Variants in ADAM10 observed in about 807,000 individuals in gnomAD.
The protein encoded by ADAM10 is ADAM metallopeptidase domain 10, also known as disintegrin and metalloproteinase domain-containing protein 10.
Under a neutral mutation model 90.1 loss-of-function variants are expected in ADAM10, and 17 were observed. The ratio of observed to expected loss-of-function variants is 0.19; its 90% CI spans 0.13 to 0.28. The LOEUF (loss-of-function observed/expected upper bound fraction) is 0.28. Ranked by LOEUF, ADAM10 falls within the 10% of genes least tolerant of loss-of-function variation. The pLI, the probability that ADAM10 is intolerant of heterozygous loss-of-function variation, is 1.00. For missense variants in ADAM10, 610 were observed against 914.3 expected, an observed-to-expected ratio of 0.67 and a Z score of 4.29; for synonymous variants, 310 against 298.6, an observed-to-expected ratio of 1.04 and a Z score of -0.40.
rs1894768917 is a variant in ADAM10, at chr15:58,588,911, AT to A, written c.*8635del. Reference sequence around the variant, plus strand: ...CCCAAAGCTAAGTTATGCCTTTCCCATTTTTGCAAAACATGGTCGGTATGTT... The same window carrying A: ...CCCAAAGCTAAGTTATGCCTTTCCCATTTTGCAAAACATGGTCGGTATGTT... On this transcript the variant is annotated 3_prime_UTR_variant, in exon 16 of 16. Coordinates refer to ENST00000260408, the MANE Select transcript of ADAM10 (RefSeq NM_001110.4). 1 of 152,130 alleles carries A rather than the reference AT, an allele frequency of 6.6e-6. No individual in the cohort carries two copies. The highest frequency in any genetic ancestry group is 6.5e-5 in the Admixed American group (1 of 15,272). The allele number at this position is 152,130 out of a possible 1,614,324, so 9.4% of individuals were successfully genotyped here. A position where few individuals can be genotyped will look rare whatever the true frequency, so the allele number is the denominator to read the frequency against.
Position 58,685,401 on chromosome 15 carries a change from T to G in ADAM10, c.207-3087A>C, listed in dbSNP as rs191516142. On this transcript the variant is annotated intron_variant, in intron 2 of 15. Transcript: ENST00000260408. Reference sequence around the variant, plus strand: ...GCGTGAACCCGGGGGAGGCAGAGCTTGCAGTGAGCCGAGATCACGCCACTG... The same window carrying G: ...GCGTGAACCCGGGGGAGGCAGAGCTGGCAGTGAGCCGAGATCACGCCACTG... Among the ~76,000 whole-genome samples the G allele has an allele frequency of 1.9e-4, 29 of 151,082 alleles. No individual in the cohort carries two copies. In the East Asian group the frequency reaches 5.4e-3, roughly 28 times the overall value.
rs1258868428 is a variant in ADAM10, at chr15:58,749,531, C to G, written c.4G>C (p.Val2Leu). Residue 2 changes from valine (V) to leucine (L), a missense_variant, in exon 1 of 16, where the codon GTG becomes CTG. Val to Leu is a conservative substitution (Grantham distance 32, BLOSUM62 1). Coordinates refer to ENST00000260408, the MANE Select transcript of ADAM10 (RefSeq NM_001110.4). ...AGCAGAATTAACACTCTCAGCAACA[C>G]CATCTTCCGCTGCCGCTGCCGCCGC... MVLLRVLILLLS... is the reference protein window; with the variant it reads MLLLRVLILLLS... 1 of 1,552,756 alleles carries G rather than the reference C, an allele frequency of 6.4e-7. No homozygotes were observed. The highest frequency in any genetic ancestry group is 2.5e-5 in the East Asian group (1 of 40,810).
intron 1 of ADAM10, among the ~76,000 whole-genome samples, chr15:58,742,590 G>T (rs1899650734): frequency 6.6e-6 from 1 of 152,196 alleles, no homozygotes; most frequent in Admixed American, 6.5e-5. Flanking sequence ...CAAACTAGCT[G>T]GGTCAGGCTA....
At chr15:58,636,267 A>G (rs1896248575) in intron 8 of ADAM10, among the ~76,000 whole-genome samples, 1 of 150,280 alleles carries the variant, frequency 6.7e-6, no homozygotes, top group Non-Finnish European at 1.5e-5. Context: ...ACAGAGCGAG[A>G]CTTCGTTTCA....
At chr15:58,643,844 T>C (rs1276704651) in intron 7 of ADAM10, 42 bp downstream of exon 7, 4 of 1,376,382 alleles carry the variant, frequency 2.9e-6, no homozygotes, top group Middle Eastern at 3.6e-4. Context: ...TAGTCTGGAC[T>C]GTTTCACTTT....
Position 58,633,240 on chromosome 15 carries a change from G to C in ADAM10, c.1132C>G (p.His378Asp), listed in dbSNP as rs1206317034. The C allele has an allele frequency of 6.2e-7, 1 of 1,613,412 alleles. No individual in the cohort carries two copies. The highest frequency in any genetic ancestry group is 1.3e-5 in the African/African-American group (1 of 74,894). ...CCAACTTCGTGAGCAAAAGTAATGT[G>C]AGAGACTTTGGGAGGTACATGAGAC... Reference protein sequence around the residue: ...YGSHVPPKVSHITFAHEVGHN... With the variant: ...YGSHVPPKVSDITFAHEVGHN... The change falls in exon 9 of 16, where the codon CAC becomes GAC. Residue 378 changes from histidine to aspartate, a missense_variant. Around this residue, in one of 4 missense-constraint regions of ADAM10, gnomAD observed 97 missense variants for 221.4 expected, o/e 0.44. Transcript: ENST00000260408.
chr15:58,647,135 C>A (rs1344641191), intron 5 of ADAM10, among the ~76,000 whole-genome samples: 1 of 151,944 alleles, frequency 6.6e-6, no homozygotes, highest in Non-Finnish European at 1.5e-5. Context: ...CTGTCCACAT[C>A]CCACTTCACC....
At chr15:58,643,752 GCAT>G (rs1252860946) in intron 7 of ADAM10, 131 bp downstream of exon 7, 9 of 723,094 alleles carry the variant, frequency 1.2e-5, no homozygotes, top group East Asian at 2.7e-5. Context: ...GTAAAAAACT[GCAT>G]CAACAGATAC....
rs1468994224 is a variant in ADAM10, at chr15:58,686,619, G to C, written c.207-4305C>G. ...CCCAGATCCTGTGCTTTACTCTGAA[G>C]ACTCTAAGAGAGAAGTTTGCTGAGG... On this transcript the variant is annotated intron_variant, in intron 2 of 15. Transcript: ENST00000260408. 3 of 888,096 alleles carry C rather than the reference G, an allele frequency of 3.4e-6. No individual in the cohort carries two copies. In the East Asian group the frequency reaches 7.3e-5, roughly 22 times the overall value. 55.0% of individuals were successfully genotyped at this position (888,096 alleles called of 1,614,324 possible). A position where few individuals can be genotyped will look rare whatever the true frequency, so the allele number is the denominator to read the frequency against.
Position 58,597,496 on chromosome 15 carries a change from G to A in ADAM10, c.*51C>T, listed in dbSNP as rs757422892. The A allele has an allele frequency of 6.2e-7, 1 of 1,613,788 alleles. No homozygotes were observed. The highest frequency in any genetic ancestry group is 8.5e-7 in the Non-Finnish European group (1 of 1,179,892). On this transcript the variant is annotated 3_prime_UTR_variant, in exon 16 of 16. Transcript: ENST00000260408. ...ATGACTTAATAGGTTTCTCTTTGGA[G>A]TGAAGTTTTCCCATTGTAGGCACTA...
intron 2 of ADAM10, chr15:58,691,240 T>C: frequency 1.1e-6 from 1 of 942,258 alleles, no homozygotes; most frequent in East Asian, 2.5e-5. Context: ...CTCTCCTCCA[T>C]TATCTTCTTC....
chr15:58,720,364 T>A (rs1472073495), intron 1 of ADAM10, among the ~76,000 whole-genome samples: 1 of 150,276 alleles, frequency 6.7e-6, no homozygotes, highest in African/African-American at 2.5e-5. Flanking sequence ...CCCACTAGCA[T>A]GAAACTTTTA....
At chr15:58,696,591 G>T (rs1173731665) in intron 2 of ADAM10, among the ~76,000 whole-genome samples, 1 of 151,344 alleles carries the variant, frequency 6.6e-6, no homozygotes, top group Non-Finnish European at 1.5e-5. Flanking sequence ...TCAGCCTCCT[G>T]AGCAGCTGGG....
intron 2 of ADAM10, among the ~76,000 whole-genome samples, chr15:58,709,111 A>T (rs922155864): frequency 5.3e-5 from 8 of 152,246 alleles, no homozygotes; most frequent in African/African-American, 1.9e-4. Flanking sequence ...CAACACAGTT[A>T]CTATAAAAGA....
At chr15:58,598,802 T>A (rs1375876093) in intron 15 of ADAM10, among the ~76,000 whole-genome samples, 1 of 152,220 alleles carries the variant, frequency 6.6e-6, no homozygotes. Flanking sequence ...CCACAGCTCA[T>A]CTAAAGAGGG....
chr15:58,603,717 G>C (rs1200755283), intron 14 of ADAM10, among the ~76,000 whole-genome samples: 2 of 151,796 alleles, frequency 1.3e-5, no homozygotes, highest in Admixed American at 6.6e-5. Context: ...CTATGTAGGA[G>C]AGAGGAAAAA....
chr15:58,682,868 C>A lies in ADAM10; in HGVS notation c.207-554G>T, dbSNP rs148526378. Reference sequence around the variant, plus strand: ...TCTTCCTTAATTCAATTTGGGAATGCCGAAAGACCAGGATAATGGCTGAAA... The same window carrying A: ...TCTTCCTTAATTCAATTTGGGAATGACGAAAGACCAGGATAATGGCTGAAA... On this transcript the variant is annotated intron_variant, in intron 2 of 15. Transcript: ENST00000260408. Among the ~76,000 whole-genome samples the A allele has an allele frequency of 8.4e-3, 1,279 of 152,120 alleles. 19 individuals are homozygous for A. Among genetic ancestry groups the A allele is most frequent in the African/African-American group, 0.029 (1,217 of 41,494 alleles).
intron 14 of ADAM10, among the ~76,000 whole-genome samples, chr15:58,600,953 C>T (rs1895090762): frequency 6.6e-6 from 1 of 151,974 alleles, no homozygotes; most frequent in Admixed American, 6.6e-5. Context: ...TTAGTTTTTC[C>T]AGCAGTGTTT....
chr15:58,726,084 A>C (rs1378483703), intron 1 of ADAM10, among the ~76,000 whole-genome samples: 2 of 151,938 alleles, frequency 1.3e-5, no homozygotes, highest in East Asian at 4.1e-4. Context: ...TAAACACACA[A>C]TCTACTGTGG....
Sources: allele counts gnomAD v4.1 joint callset (sites outside exome capture counted in the v4.1 genomes callset), GRCh38; gene constraint gnomAD v4.1.1; regional missense constraint gnomAD v4.1.1; transcripts MANE v1.5; gene names NCBI Gene and HGNC (gene_info 2026-07-23, HGNC 2026-07-21).